MGAT4C: variants seen among roughly 807,000 people sequenced by gnomAD.
The protein encoded by MGAT4C is MGAT4 family member C.
In MGAT4C, 19 loss-of-function variants were observed where a neutral mutation model predicts 40.1. The ratio of observed to expected loss-of-function variants is 0.47; its 90% confidence interval spans 0.33 to 0.70. The LOEUF is 0.70. Among genes scored for constraint, MGAT4C ranks in the 30% least tolerant of loss-of-function variants. The pLI is 0.02. For missense variants in MGAT4C, 491 were observed against 563.2 expected (o/e 0.87, Z 1.30); for synonymous variants, 181 against 187.1 (o/e 0.97, Z 0.27).
intron 2 of MGAT4C, among the ~76,000 whole-genome samples, chr12:86,509,482 A>T (rs983129325): frequency 1.3e-5 from 2 of 152,180 alleles, no homozygotes; most frequent in African/African-American, 2.4e-5. Context: ...TATAGTTTGA[A>T]GTCAGGTAGC....
At chr12:86,131,829 T>A (rs1190971724) in intron 1 of MGAT4C, among the ~76,000 whole-genome samples, 3 of 152,114 alleles carry the variant, frequency 2.0e-5, no homozygotes, top group African/African-American at 4.8e-5. Context: ...GTATATTATA[T>A]AACTAAAGTC....
intron 1 of MGAT4C, among the ~76,000 whole-genome samples, chr12:86,770,556 G>T (rs1187459629): frequency 6.6e-6 from 1 of 152,010 alleles, no homozygotes; most frequent in Non-Finnish European, 1.5e-5. Flanking sequence ...GCAGAAGGAA[G>T]TTAAAAGACA....
intron 1 of MGAT4C, among the ~76,000 whole-genome samples, chr12:86,143,303 T>TA: frequency 6.6e-6 from 1 of 152,308 alleles, no homozygotes; most frequent in South Asian, 2.1e-4. Flanking sequence ...AGATCTATCA[T>TA]AAAAAGCACA....
At chr12:86,209,646 A>G (rs1184267995) in intron 1 of MGAT4C, among the ~76,000 whole-genome samples, 1 of 152,176 alleles carries the variant, frequency 6.6e-6, no homozygotes, top group Admixed American at 6.5e-5. Flanking sequence ...GATTTTAATA[A>G]AAGATTCTGT....
intron 1 of MGAT4C, among the ~76,000 whole-genome samples, chr12:86,734,271 T>G (rs1331644651): frequency 6.6e-6 from 1 of 152,086 alleles, no homozygotes; most frequent in Non-Finnish European, 1.5e-5. Context: ...ATGTTTTATT[T>G]AAGATTAGGG....
intron 1 of MGAT4C, among the ~76,000 whole-genome samples, chr12:86,750,805 C>A (rs890701680): frequency 3.3e-5 from 5 of 151,852 alleles, no homozygotes; most frequent in African/African-American, 1.2e-4. Flanking sequence ...CTCTAGTCAA[C>A]AATTGTTGAA....
chr12:85,998,734 A>G (rs1204609439), intron 2 of MGAT4C, among the ~76,000 whole-genome samples: 1 of 152,128 alleles, frequency 6.6e-6, no homozygotes, highest in Non-Finnish European at 1.5e-5. Flanking sequence ...GGATTTCATC[A>G]TCCACATCCC....
upstream of MGAT4C, among the ~76,000 whole-genome samples, chr12:86,259,707 A>G (rs1042816801): frequency 3.8e-5 from 1 of 26,458 alleles, no homozygotes; most frequent in African/African-American, 2.1e-4. Flanking sequence ...TAACTTTAAT[A>G]GTGTGTAAAA....
At chr12:86,503,737 ATATATATATATAT>A (rs1592927259) in intron 2 of MGAT4C, among the ~76,000 whole-genome samples, 1 of 80,152 alleles carries the variant, frequency 1.2e-5, no homozygotes, top group East Asian at 3.9e-4. Flanking sequence ...AGTTCTGCTC[ATATATATATATAT>A]GAGTTCTGCT....
intron 1 of MGAT4C, among the ~76,000 whole-genome samples, chr12:86,227,659 C>T (rs900650627): frequency 2.0e-5 from 3 of 151,896 alleles, no homozygotes; most frequent in African/African-American, 7.2e-5. Context: ...TCATTAGTAT[C>T]TGTCATGAGT....
In MGAT4C at chr12:86,174,124, TACACACACAC is replaced by T. The variant is rs71445051; in HGVS notation, c.-57+82105_-57+82114del. Among the ~76,000 whole-genome samples the T allele has an allele frequency of 2.9e-4, 42 of 143,918 alleles. 1 individual carries two copies. The highest frequency in any genetic ancestry group is 4.9e-4 in the Non-Finnish European group (32 of 64,794). 94.4% of individuals were successfully genotyped at this position (143,918 alleles called of 152,430 possible). A position where few individuals can be genotyped will look rare whatever the true frequency, so the allele number is the denominator to read the frequency against. Reference sequence around the variant, plus strand: ...TTACCAAAAAAGACACACACACACATACACACACACACACACACACACACACACACACACA... The same window carrying T: ...TTACCAAAAAAGACACACACACACATACACACACACACACACACACACACA... On this transcript the variant is annotated intron_variant, in intron 1 of 4. Transcript: ENST00000611864.
At chr12:86,722,102 A>C (rs962231489) in intron 2 of MGAT4C, among the ~76,000 whole-genome samples, 3 of 152,154 alleles carry the variant, frequency 2.0e-5, no homozygotes, top group Middle Eastern at 3.2e-3. Context: ...GCACTTCAGC[A>C]CTTTTCAGTC....
intron 1 of MGAT4C, among the ~76,000 whole-genome samples, chr12:86,094,158 G>T (rs1592920830): frequency 6.6e-6 from 1 of 152,010 alleles, no homozygotes; most frequent in South Asian, 2.1e-4. Flanking sequence ...AATCATGGAA[G>T]GACAGAAGAA....
intron 2 of MGAT4C, among the ~76,000 whole-genome samples, chr12:86,048,729 T>G (rs776974847): frequency 2.6e-5 from 4 of 152,054 alleles, no homozygotes; most frequent in Non-Finnish European, 4.4e-5. Flanking sequence ...GTGGGATACA[T>G]AATATATCCA....
At chr12:86,533,105 T>C (rs1959011224) in intron 2 of MGAT4C, among the ~76,000 whole-genome samples, 1 of 152,026 alleles carries the variant, frequency 6.6e-6, no homozygotes, top group South Asian at 2.1e-4. Flanking sequence ...TGTCAGAATG[T>C]AAACACAGTT....
intron 1 of MGAT4C, among the ~76,000 whole-genome samples, chr12:86,074,863 GC>G (rs1406541040): frequency 3.3e-5 from 5 of 152,056 alleles, no homozygotes; most frequent in African/African-American, 9.7e-5. Flanking sequence ...GAGGAAAACT[GC>G]CCCCATGATT....
intron 3 of MGAT4C, among the ~76,000 whole-genome samples, chr12:86,416,212 T>G (rs998053203): frequency 6.6e-6 from 1 of 152,062 alleles, no homozygotes; most frequent in Non-Finnish European, 1.5e-5. Context: ...GTATTTTTTA[T>G]TCAAGTGAAG....
Position 85,980,057 on chromosome 12 carries a change from A to G in MGAT4C, c.669T>C (p.Leu223=), listed in dbSNP as rs989044611. 42 of 1,613,646 alleles carry G rather than the reference A, an allele frequency of 2.6e-5. No homozygotes were observed. Among genetic ancestry groups the G allele is most frequent in the Non-Finnish European group, 3.5e-5 (41 of 1,179,848 alleles). Residue 223 remains leucine (L), a synonymous_variant, in exon 5 of 5, where the codon CTT becomes CTC. Transcript: ENST00000611864. ...TTTTTGAACATCGAACATCATCTTC[A>G]AGCATTACATAATAGTCTGAAGTAT... The part of the protein sequence containing the change: ...CANTSDYYVM[L]EDDVRCSKNF...
chr12:86,227,155 G>A (rs1268644515), intron 1 of MGAT4C, among the ~76,000 whole-genome samples: 1 of 151,572 alleles, frequency 6.6e-6, no homozygotes, highest in Non-Finnish European at 1.5e-5. Flanking sequence ...CATGCTTTCT[G>A]TTTTCTTTAC....
Sources: gnomAD v4.1 joint callset for allele counts (sites outside exome capture counted in the v4.1 genomes callset) on GRCh38, gnomAD v4.1.1 for gene constraint, MANE v1.5 for transcripts, NCBI Gene and HGNC (gene_info 2026-07-23, HGNC 2026-07-21) for gene names.